Variants in NKAIN2 observed in about 807,000 individuals in gnomAD.
NKAIN2 encodes sodium/potassium-transporting ATPase subunit beta-1-interacting protein 2.
Under a neutral mutation model 32.6 loss-of-function variants are expected in NKAIN2, and 14 were observed. That is an observed-to-expected ratio of 0.43 (90% CI 0.28 to 0.67). The LOEUF (loss-of-function observed/expected upper bound fraction) is 0.67. Ranked by LOEUF, NKAIN2 falls within the 30% of genes least tolerant of loss-of-function variation. The pLI, the probability that NKAIN2 is intolerant of heterozygous loss-of-function variation, is 0.17. For missense variants in NKAIN2, 198 were observed against 258.3 expected (o/e 0.77, Z 1.60); for synonymous variants, 80 against 87.2 (o/e 0.92, Z 0.46).
At chr6:124,680,063 A>G (rs1773543743) in intron 4 of NKAIN2, among the ~76,000 whole-genome samples, 1 of 137,590 alleles carries the variant, frequency 7.3e-6, no homozygotes, top group South Asian at 2.4e-4. Context: ...CTTATGTGCT[A>G]TATTTTCTAT....
chr6:123,955,963 T>C (rs79392423), intron 1 of NKAIN2, among the ~76,000 whole-genome samples: 1 of 152,064 alleles, frequency 6.6e-6, no homozygotes, highest in Non-Finnish European at 1.5e-5. Context: ...CAGTATTTCA[T>C]TCTTAAACTT....
chr6:124,194,402 C>A (rs2103103), intron 1 of NKAIN2, among the ~76,000 whole-genome samples: 13,640 of 152,068 alleles, frequency 0.09, 657 homozygotes, highest in Non-Finnish European at 0.11. Context: ...TAATGAGCAT[C>A]TTTCATTGAC....
At chr6:124,220,292 A>G (rs1419261423) in intron 1 of NKAIN2, among the ~76,000 whole-genome samples, 1 of 152,062 alleles carries the variant, frequency 6.6e-6, no homozygotes, top group African/African-American at 2.4e-5. Context: ...CCCTTCCACC[A>G]TGATTGTTCA....
At chr6:124,727,119 T>A (rs1776366883) in intron 4 of NKAIN2, among the ~76,000 whole-genome samples, 1 of 152,108 alleles carries the variant, frequency 6.6e-6, no homozygotes, top group Non-Finnish European at 1.5e-5. Flanking sequence ...TGGAACCCAG[T>A]TGGAAAACAT....
chr6:124,650,790 G>C (rs924648486), intron 3 of NKAIN2, among the ~76,000 whole-genome samples: 1 of 152,144 alleles, frequency 6.6e-6, no homozygotes, highest in African/African-American at 2.4e-5. Flanking sequence ...TGGTCCGCCA[G>C]AATCTATGTT....
At chr6:123,898,730 G>A (rs1206850325) in intron 1 of NKAIN2, among the ~76,000 whole-genome samples, 2 of 152,064 alleles carry the variant, frequency 1.3e-5, no homozygotes, top group African/African-American at 4.8e-5. Context: ...TCATTCATCT[G>A]TTGAAATCAA....
chr6:124,311,442 T>G (rs897268590), intron 2 of NKAIN2, among the ~76,000 whole-genome samples: 1 of 152,142 alleles, frequency 6.6e-6, no homozygotes, highest in Non-Finnish European at 1.5e-5. Flanking sequence ...TTCCATTGTG[T>G]GGATATGCTT....
At chr6:124,277,762 T>C (rs904616644) in intron 1 of NKAIN2, among the ~76,000 whole-genome samples, 17 of 152,138 alleles carry the variant, frequency 1.1e-4, no homozygotes, top group African/African-American at 4.1e-4. Context: ...TGGAGACACT[T>C]AAGGGGGAAG....
chr6:124,490,337 A>G, intron 3 of NKAIN2: 1 of 435,756 alleles, frequency 2.3e-6, no homozygotes, highest in Non-Finnish European at 4.6e-6. Context: ...AACACTTTCT[A>G]GATGGAATTA....
intron 1 of NKAIN2, among the ~76,000 whole-genome samples, chr6:124,116,163 GC>G (rs1238906346): frequency 2.6e-5 from 4 of 152,004 alleles, no homozygotes; most frequent in Admixed American, 2.0e-4. Flanking sequence ...CTTCACTGAT[GC>G]CATGTCTTTT....
intron 1 of NKAIN2, among the ~76,000 whole-genome samples, chr6:124,160,505 G>A (rs1310536969): frequency 6.6e-6 from 1 of 152,022 alleles, no homozygotes; most frequent in East Asian, 1.9e-4. Flanking sequence ...AAATGGACTT[G>A]CAAAAATATT....
intron 4 of NKAIN2, among the ~76,000 whole-genome samples, chr6:124,704,103 A>G (rs1418555881): frequency 6.6e-6 from 1 of 151,326 alleles, no homozygotes; most frequent in Non-Finnish European, 1.5e-5. Context: ...AAGGCAAGTC[A>G]CAATGACAAA....
chr6:123,813,104 T>C (rs1271521932), intron 1 of NKAIN2, among the ~76,000 whole-genome samples: 1 of 152,222 alleles, frequency 6.6e-6, no homozygotes, highest in East Asian at 1.9e-4. Flanking sequence ...CAGAGTGTTA[T>C]TTGTATTATA....
At chr6:124,207,412 G>T (rs1790948422) in intron 1 of NKAIN2, among the ~76,000 whole-genome samples, 1 of 150,228 alleles carries the variant, frequency 6.7e-6, no homozygotes, top group African/African-American at 2.5e-5. Flanking sequence ...TCTAAATTTT[G>T]TTTGTTCCAT....
chr6:124,444,972 G>A (rs2114605981), intron 3 of NKAIN2, among the ~76,000 whole-genome samples: 1 of 151,764 alleles, frequency 6.6e-6, no homozygotes, highest in South Asian at 2.1e-4. Flanking sequence ...TTCATCAAAA[G>A]GAATTGTTAA....
intron 3 of NKAIN2, among the ~76,000 whole-genome samples, chr6:124,450,241 C>G (rs933773792): frequency 6.6e-6 from 1 of 151,976 alleles, no homozygotes; most frequent in East Asian, 1.9e-4. Flanking sequence ...TGGAAGACTA[C>G]CAAATATTAA....
At chr6:124,433,842 T>C (rs1051522497) in intron 3 of NKAIN2, among the ~76,000 whole-genome samples, 1 of 152,096 alleles carries the variant, frequency 6.6e-6, no homozygotes, top group Middle Eastern at 3.4e-3. Context: ...TGCACCTCTT[T>C]GAAAAATGAC....
intron 3 of NKAIN2, among the ~76,000 whole-genome samples, chr6:124,466,560 A>G (rs1776764419): frequency 6.6e-6 from 1 of 152,036 alleles, no homozygotes. Context: ...CCTTGAAAGA[A>G]GGCAGCAGCC....
chr6:124,285,672 A>G (rs2114929388), intron 2 of NKAIN2, among the ~76,000 whole-genome samples: 1 of 152,234 alleles, frequency 6.6e-6, no homozygotes. Flanking sequence ...GCAACAAACT[A>G]CAGTTGACCC....
Sources: gnomAD v4.1 joint callset for allele counts (sites outside exome capture counted in the v4.1 genomes callset) on GRCh38, gnomAD v4.1.1 for gene constraint, MANE v1.5 for transcripts, NCBI Gene and HGNC (gene_info 2026-07-23, HGNC 2026-07-21) for gene names.